FAM135B: variants seen among roughly 807,000 people sequenced by gnomAD.
The protein encoded by FAM135B is protein FAM135B.
A neutral mutation model predicts 127.7 loss-of-function variants in FAM135B; 43 were observed. The ratio of observed to expected loss-of-function variants is 0.34; its 90% CI spans 0.26 to 0.43. FAM135B has a LOEUF of 0.43. Ranked by LOEUF, FAM135B falls within the 20% of genes least tolerant of loss-of-function variation. FAM135B has a pLI of 1.00. For missense variants in FAM135B, 1,558 were observed against 1,725.6 expected (o/e 0.90, Z 1.72); for synonymous variants, 670 against 665.1 (o/e 1.01, Z -0.11).
intron 7 of FAM135B, among the ~76,000 whole-genome samples, chr8:138,224,854 C>G (rs1819292551): frequency 6.6e-6 from 1 of 151,918 alleles, no homozygotes; most frequent in Non-Finnish European, 1.5e-5. Flanking sequence ...TATGTGGAAT[C>G]TAAAAAAAGT....
chr8:138,455,282 T>C (rs10107676), intron 1 of FAM135B, among the ~76,000 whole-genome samples: 9,882 of 152,236 alleles, frequency 0.065, 1,057 homozygotes, highest in African/African-American at 0.22. Flanking sequence ...ATAGGAGAAA[T>C]GTAAACTGCA....
chr8:138,181,315 C>T (rs992715791), intron 9 of FAM135B, among the ~76,000 whole-genome samples: 20 of 152,142 alleles, frequency 1.3e-4, no homozygotes, highest in African/African-American at 4.8e-4. Context: ...TACAAAACCT[C>T]CTGGCTAGAG....
At chr8:138,325,774 C>T (rs1490628577) in intron 2 of FAM135B, among the ~76,000 whole-genome samples, 1 of 152,134 alleles carries the variant, frequency 6.6e-6, no homozygotes, top group Non-Finnish European at 1.5e-5. Context: ...GGCAACAACC[C>T]TAATGGTGCT....
At chr8:138,212,594 T>G (rs751109667) in intron 7 of FAM135B, among the ~76,000 whole-genome samples, 2 of 152,226 alleles carry the variant, frequency 1.3e-5, no homozygotes, top group Non-Finnish European at 2.9e-5. Context: ...ATTCTTTAAT[T>G]AAGGCAACTG....
intron 2 of FAM135B, among the ~76,000 whole-genome samples, chr8:138,355,655 G>A (rs979431190): frequency 1.1e-4 from 17 of 152,106 alleles, no homozygotes; most frequent in Non-Finnish European, 2.4e-4. Context: ...TTATCTTCTC[G>A]TTATTCAAGG....
At chr8:138,153,314 T>G (rs7006618) in intron 12 of FAM135B, 98 bp from the exon 13 acceptor site, 1 of 1,002,202 alleles carries the variant, frequency 1.0e-6, no homozygotes, top group Non-Finnish European at 1.4e-6. Flanking sequence ...TTTAGCTATG[T>G]GGACTCGGTT....
At chr8:138,166,184 T>C (rs1819903576) in intron 12 of FAM135B, among the ~76,000 whole-genome samples, 2 of 152,182 alleles carry the variant, frequency 1.3e-5, no homozygotes, top group African/African-American at 4.8e-5. Flanking sequence ...AGGTTGTTTA[T>C]AGGATTAAAG....
At chr8:138,274,354 T>C (rs767513981) in intron 3 of FAM135B, among the ~76,000 whole-genome samples, 2 of 152,160 alleles carry the variant, frequency 1.3e-5, no homozygotes, top group Non-Finnish European at 2.9e-5. Context: ...CAAGTTTTTA[T>C]TAGGGAGTTT....
At chr8:138,383,359 A>G (rs1831984079) in intron 1 of FAM135B, among the ~76,000 whole-genome samples, 1 of 152,326 alleles carries the variant, frequency 6.6e-6, no homozygotes, top group South Asian at 2.1e-4. Flanking sequence ...CTGTAAAAAC[A>G]CACATATCTA....
intron 7 of FAM135B, among the ~76,000 whole-genome samples, chr8:138,239,833 G>A (rs571575574): frequency 3.7e-4 from 57 of 152,284 alleles, no homozygotes; most frequent in African/African-American, 1.4e-3. Context: ...AAAAGGATGA[G>A]TTCCTGTCCT....
chr8:138,331,034 G>T (rs947539679), intron 2 of FAM135B, among the ~76,000 whole-genome samples: 2 of 152,028 alleles, frequency 1.3e-5, no homozygotes, highest in Non-Finnish European at 2.9e-5. Context: ...TAGAGATGGG[G>T]TTTCTCCATG....
At chr8:138,357,493 G>A (rs948848497) in intron 2 of FAM135B, among the ~76,000 whole-genome samples, 1 of 152,120 alleles carries the variant, frequency 6.6e-6, no homozygotes, top group Non-Finnish European at 1.5e-5. Flanking sequence ...CCTAGTGAAA[G>A]AATATGATGA....
chr8:138,339,272 C>T (rs1205913120), intron 2 of FAM135B, among the ~76,000 whole-genome samples: 1 of 151,478 alleles, frequency 6.6e-6, no homozygotes, highest in Non-Finnish European at 1.5e-5. Flanking sequence ...AAAAAAAAAC[C>T]TAAATAATCA....
intron 11 of FAM135B, among the ~76,000 whole-genome samples, chr8:138,174,111 G>A (rs1418917366): frequency 6.6e-6 from 1 of 152,112 alleles, no homozygotes; most frequent in Non-Finnish European, 1.5e-5. Flanking sequence ...GCCTTGCCCT[G>A]TCCTTTCCTA....
At chr8:138,134,595 G>A (rs180711837) in intron 19 of FAM135B, among the ~76,000 whole-genome samples, 1 of 152,060 alleles carries the variant, frequency 6.6e-6, no homozygotes. Flanking sequence ...TGACAATGTA[G>A]AGAATAAATT....
At chr8:138,288,138 G>A (rs1446342632) in intron 3 of FAM135B, among the ~76,000 whole-genome samples, 1 of 152,100 alleles carries the variant, frequency 6.6e-6, no homozygotes, top group African/African-American at 2.4e-5. Context: ...ATAAGACCTC[G>A]TGCATGCTGA....
chr8:138,134,276 C>T (rs1229649300), intron 19 of FAM135B, among the ~76,000 whole-genome samples: 1 of 151,918 alleles, frequency 6.6e-6, no homozygotes, highest in Non-Finnish European at 1.5e-5. Flanking sequence ...TATGTAATAA[C>T]AAGAATAATG....
At chr8:138,472,728 C>A (rs1837750336) in intron 1 of FAM135B, among the ~76,000 whole-genome samples, 1 of 152,188 alleles carries the variant, frequency 6.6e-6, no homozygotes, top group African/African-American at 2.4e-5. Context: ...CACCATTCCA[C>A]AACGTGCATA....
intron 3 of FAM135B, among the ~76,000 whole-genome samples, chr8:138,304,022 T>C (rs557248240): frequency 6.6e-6 from 1 of 152,304 alleles, no homozygotes; most frequent in African/African-American, 2.4e-5. Context: ...CAGAAAACGA[T>C]GTATTGTTAA....
Sources: allele counts gnomAD v4.1 joint callset (sites outside exome capture counted in the v4.1 genomes callset), GRCh38; gene constraint gnomAD v4.1.1; transcripts MANE v1.5; gene names NCBI Gene and HGNC (gene_info 2026-07-23, HGNC 2026-07-21).